Variants in RPS6KC1 observed in about 807,000 individuals in gnomAD.
RPS6KC1 encodes ribosomal protein S6 kinase C1, also known as inactive ribosomal protein S6 kinase delta-1.
In RPS6KC1, 54 loss-of-function variants were observed where a neutral mutation model predicts 103.8. The observed-to-expected ratio is 0.52, with a 90% CI of 0.42 to 0.65. RPS6KC1 has a LOEUF of 0.65. Among genes scored for constraint, RPS6KC1 ranks in the 30% least tolerant of loss-of-function variants. The probability of loss-of-function intolerance (pLI) is 0.00; values close to 1 mark genes in which losing one functional copy is unlikely to be tolerated. For synonymous variants in RPS6KC1, 439 were observed against 438.7 expected (o/e 1.00, Z -0.01); for missense variants, 1,151 against 1,253.8 (o/e 0.92, Z 1.24).
At chr1:213,223,968 A>G (rs1423132935) in intron 8 of RPS6KC1, among the ~76,000 whole-genome samples, 1 of 152,196 alleles carries the variant, frequency 6.6e-6, no homozygotes, top group East Asian at 1.9e-4. Context: ...AGGGACTTCC[A>G]GACTTCCAGT....
chr1:213,312,636 C>G, the RPS6KC1 span, among the ~76,000 whole-genome samples: 1 of 152,184 alleles, frequency 6.6e-6, no homozygotes, highest in Non-Finnish European at 1.5e-5. Context: ...GCGAGCCTGG[C>G]CCTTTCCTCA....
chr1:213,316,192 C>T, the RPS6KC1 span, among the ~76,000 whole-genome samples: 1 of 152,230 alleles, frequency 6.6e-6, no homozygotes, highest in African/African-American at 2.4e-5. Flanking sequence ...GTTTCCCCTG[C>T]TTTCCTCTCT....
the RPS6KC1 span, among the ~76,000 whole-genome samples, chr1:213,481,777 C>T: frequency 1.3e-5 from 2 of 152,118 alleles, no homozygotes; most frequent in Non-Finnish European, 2.9e-5. Context: ...TATGATTATA[C>T]ATAAATTATA....
chr1:213,241,968 A>T lies in RPS6KC1; in HGVS notation c.2492A>T (p.Tyr831Phe). 1 of 1,614,052 alleles carries T rather than the reference A, an allele frequency of 6.2e-7. No individual in the cohort carries two copies. Among genetic ancestry groups the T allele is most frequent in the South Asian group, 1.1e-5 (1 of 91,076 alleles). Reference sequence around the variant, plus strand: ...AGTCCACTCTCAGGTGCTAATGAATATATTGCAAGCACAGACACTTTAAAA... The same window carrying T: ...AGTCCACTCTCAGGTGCTAATGAATTTATTGCAAGCACAGACACTTTAAAA... ...ICSPLSGANEYIASTDTLKTE... is the reference protein window; with the variant it reads ...ICSPLSGANEFIASTDTLKTE... The change falls in exon 11 of 15, where the codon TAT (tyrosine) becomes TTT (phenylalanine). Residue 831 changes from tyrosine (Y) to phenylalanine (F), a missense_variant. Around this residue, in one of 3 missense-constraint regions of RPS6KC1, gnomAD observed 959 missense variants for 1,006.3 expected, o/e 0.95. Coordinates refer to ENST00000366960, the MANE Select transcript of RPS6KC1 (RefSeq NM_012424.6).
At chr1:213,142,530 G>A (rs1483497984) in intron 6 of RPS6KC1, among the ~76,000 whole-genome samples, 1 of 151,996 alleles carries the variant, frequency 6.6e-6, no homozygotes, top group African/African-American at 2.4e-5. Context: ...ATAGTCAATT[G>A]GCTTTATTTC....
At chr1:213,160,407 G>T (rs2090346512) in intron 6 of RPS6KC1, among the ~76,000 whole-genome samples, 1 of 152,114 alleles carries the variant, frequency 6.6e-6, no homozygotes, top group African/African-American at 2.4e-5. Context: ...TCAAAATATA[G>T]ATTCTCCTTT....
chr1:213,155,262 A>G (rs545023198), intron 6 of RPS6KC1, among the ~76,000 whole-genome samples: 7 of 152,186 alleles, frequency 4.6e-5, no homozygotes, highest in Admixed American at 1.3e-4. Flanking sequence ...CTCAGCTAGT[A>G]TCTCAGTATG....
the RPS6KC1 span, among the ~76,000 whole-genome samples, chr1:213,688,998 G>A: frequency 2.0e-5 from 3 of 152,236 alleles, no homozygotes; most frequent in Non-Finnish European, 4.4e-5. Flanking sequence ...AGGGAGGCTG[G>A]AGAGAAGGGG....
At chr1:213,335,635 C>A in the RPS6KC1 span, among the ~76,000 whole-genome samples, 1 of 152,200 alleles carries the variant, frequency 6.6e-6, no homozygotes, top group Non-Finnish European at 1.5e-5. Context: ...CTATCTGCAA[C>A]CCCATTGGCC....
At chr1:213,336,653 A>G in the RPS6KC1 span, among the ~76,000 whole-genome samples, 1 of 152,220 alleles carries the variant, frequency 6.6e-6, no homozygotes, top group Admixed American at 6.5e-5. Flanking sequence ...TTAAATAATT[A>G]GAGCAGATAT....
the RPS6KC1 span, among the ~76,000 whole-genome samples, chr1:213,469,192 G>T: frequency 6.6e-6 from 1 of 152,110 alleles, no homozygotes; most frequent in African/African-American, 2.4e-5. Flanking sequence ...TCAGAGAGAT[G>T]CAGGATGTAT....
At chr1:213,379,457 C>G in the RPS6KC1 span, among the ~76,000 whole-genome samples, 9 of 152,142 alleles carry the variant, frequency 5.9e-5, no homozygotes, top group Non-Finnish European at 1.5e-5. Flanking sequence ...CCAAAGATCG[C>G]CAGCAAACCA....
chr1:213,617,372 G>A, the RPS6KC1 span, among the ~76,000 whole-genome samples: 1 of 152,166 alleles, frequency 6.6e-6, no homozygotes, highest in African/African-American at 2.4e-5. Flanking sequence ...CCAGGGATAG[G>A]AGAGGCCAAG....
At chr1:213,053,289 A>T (rs1427475145) in intron 1 of RPS6KC1, among the ~76,000 whole-genome samples, 1 of 152,234 alleles carries the variant, frequency 6.6e-6, no homozygotes, top group Admixed American at 6.5e-5. Flanking sequence ...ATTTAGTTGC[A>T]TGTCTGTGTC....
At chr1:213,144,180 C>T (rs1203941864) in intron 6 of RPS6KC1, among the ~76,000 whole-genome samples, 1 of 152,074 alleles carries the variant, frequency 6.6e-6, no homozygotes, top group Non-Finnish European at 1.5e-5. Context: ...CTTCAAGAGT[C>T]CCATCATTAT....
At chr1:213,602,124 T>TCTCTCTCTCTCTC in the RPS6KC1 span, among the ~76,000 whole-genome samples, 1 of 41,004 alleles carries the variant, frequency 2.4e-5, no homozygotes, top group African/African-American at 1.1e-4. Flanking sequence ...TTCTTTCTCT[T>TCTCTCTCTCTCTC]TCTTTCTTTC....
the RPS6KC1 span, among the ~76,000 whole-genome samples, chr1:213,524,188 C>G: frequency 6.6e-6 from 1 of 152,178 alleles, no homozygotes; most frequent in African/African-American, 2.4e-5. Context: ...CCACCATGAT[C>G]TGGAACTCAC....
intron 10 of RPS6KC1, among the ~76,000 whole-genome samples, chr1:213,236,034 C>T (rs2094213070): frequency 6.6e-6 from 1 of 152,174 alleles, no homozygotes; most frequent in Non-Finnish European, 1.5e-5. Flanking sequence ...GCTCCGCCTC[C>T]TGTCAGATCA....
chr1:213,343,436 T>C, the RPS6KC1 span, among the ~76,000 whole-genome samples: 108 of 86,684 alleles, frequency 1.2e-3, 5 homozygotes, highest in African/African-American at 2.0e-3. Context: ...TATATATATA[T>C]ATATACATAC....
Sources: allele counts gnomAD v4.1 joint callset (sites outside exome capture counted in the v4.1 genomes callset), GRCh38; gene constraint gnomAD v4.1.1; regional missense constraint gnomAD v4.1.1; transcripts MANE v1.5; gene names NCBI Gene and HGNC (gene_info 2026-07-23, HGNC 2026-07-21).